Variants in PPFIBP1 observed in about 807,000 individuals in gnomAD.
PPFIBP1 encodes the protein PPFIB scaffold protein 1, also known as liprin-beta-1.
A neutral mutation model predicts 137.8 loss-of-function variants in PPFIBP1; 112 were observed. The observed-to-expected ratio is 0.81, with a 90% CI of 0.70 to 0.95. The LOEUF is 0.95. PPFIBP1 is among the 40% of genes least tolerant of loss of function. The pLI, the probability that PPFIBP1 is intolerant of heterozygous loss-of-function variation, is 0.00. For missense variants in PPFIBP1, 1,083 were observed against 1,196.6 expected, an observed-to-expected ratio of 0.91 and a Z score of 1.40; for synonymous variants, 378 against 417.3, an observed-to-expected ratio of 0.91 and a Z score of 1.15.
intron 4 of PPFIBP1, among the ~76,000 whole-genome samples, chr12:27,644,244 GTTTTTTTTTTT>G (rs3842650): frequency 0.024 from 2,812 of 117,710 alleles, 126 homozygotes; most frequent in African/African-American, 0.083. Context: ...GCTTGGCTAA[GTTTTTTTTTTT>G]TTTTTTTTTT....
intron 14 of PPFIBP1, among the ~76,000 whole-genome samples, chr12:27,672,076 GAA>G (rs879889253): frequency 7.2e-6 from 1 of 138,812 alleles, no homozygotes; most frequent in Non-Finnish European, 1.6e-5. Flanking sequence ...GTCTCAAAAA[GAA>G]AAAAAAAAAA....
intron 4 of PPFIBP1, chr12:27,637,058 A>T (rs2057729780): frequency 1.3e-5 from 2 of 152,136 alleles, no homozygotes; most frequent in Admixed American, 1.3e-4. Context: ...AACTAAAATT[A>T]TACCCATTTA....
At chr12:27,540,654 G>A (rs1244570651) in intron 1 of PPFIBP1, among the ~76,000 whole-genome samples, 3 of 152,212 alleles carry the variant, frequency 2.0e-5, no homozygotes, top group African/African-American at 7.2e-5. Flanking sequence ...ATTTTGATTA[G>A]TATTGTTGTC....
chr12:27,627,720 C>A (rs973357963), intron 2 of PPFIBP1, among the ~76,000 whole-genome samples: 1 of 152,096 alleles, frequency 6.6e-6, no homozygotes, highest in Non-Finnish European at 1.5e-5. Context: ...CATCCATGCC[C>A]GGAACTTTCC....
chr12:27,663,770 G>T (rs930990150), intron 11 of PPFIBP1, among the ~76,000 whole-genome samples: 2 of 151,982 alleles, frequency 1.3e-5, no homozygotes, highest in African/African-American at 4.8e-5. Flanking sequence ...AGCCCAGGAG[G>T]TTGAGGCTGC....
chr12:27,678,855 TCAAAAAAAAAA>T (rs2060690974), intron 19 of PPFIBP1, among the ~76,000 whole-genome samples: 1 of 9,908 alleles, frequency 1.0e-4, no homozygotes. Flanking sequence ...AGACTCTGTC[TCAAAAAAAAAA>T]AAAAAAAAAA....
chr12:27,664,952 C>T (rs1424974108), intron 12 of PPFIBP1, among the ~76,000 whole-genome samples: 1 of 152,156 alleles, frequency 6.6e-6, no homozygotes. Flanking sequence ...CTTTGGGAGG[C>T]CAAGGTGGGT....
At chr12:27,585,192 G>C (rs1316314761) in intron 2 of PPFIBP1, among the ~76,000 whole-genome samples, 4 of 152,190 alleles carry the variant, frequency 2.6e-5, no homozygotes, top group Non-Finnish European at 5.9e-5. Flanking sequence ...AGAATATTTA[G>C]AAATGCAATG....
At chr12:27,539,096 G>C (rs917192271) in intron 1 of PPFIBP1, among the ~76,000 whole-genome samples, 6 of 152,204 alleles carry the variant, frequency 3.9e-5, no homozygotes, top group Non-Finnish European at 8.8e-5. Context: ...CTGCTTTAAA[G>C]AGTTGTGAAG....
intron 1 of PPFIBP1, among the ~76,000 whole-genome samples, chr12:27,553,997 G>A (rs117792584): frequency 4.6e-5 from 7 of 152,338 alleles, no homozygotes; most frequent in African/African-American, 1.7e-4. Flanking sequence ...GCAGAAAAAG[G>A]CATCTTTTGG....
At chr12:27,639,483 T>A (rs2057947798) in intron 4 of PPFIBP1, among the ~76,000 whole-genome samples, 1 of 152,238 alleles carries the variant, frequency 6.6e-6, no homozygotes. Context: ...CCTTGATCCA[T>A]GTCAACAGAG....
chr12:27,560,200 C>T (rs1306827192), intron 1 of PPFIBP1, among the ~76,000 whole-genome samples: 1 of 152,182 alleles, frequency 6.6e-6, no homozygotes, highest in East Asian at 1.9e-4. Flanking sequence ...AGTAATCCTG[C>T]ACTTTAAATT....
At chr12:27,536,808 G>A (rs1369305320) in intron 1 of PPFIBP1, among the ~76,000 whole-genome samples, 1 of 152,150 alleles carries the variant, frequency 6.6e-6, no homozygotes, top group Non-Finnish European at 1.5e-5. Flanking sequence ...CCAACTGTGG[G>A]TCTTTTCTGA....
intron 12 of PPFIBP1, among the ~76,000 whole-genome samples, chr12:27,666,487 G>A (rs1035097872): frequency 6.6e-6 from 1 of 152,122 alleles, no homozygotes; most frequent in Non-Finnish European, 1.5e-5. Context: ...AGCGTGTTAA[G>A]TATCATTTTT....
rs778672449 is a variant in PPFIBP1 at position 27,692,874 on chromosome 12, A to C, written c.3010A>C (p.Asn1004His). 8.7e-6 allele frequency: 14 copies of C among 1,614,124 alleles called. No homozygotes were observed. Among genetic ancestry groups the C allele is most frequent in the Non-Finnish European group, 1.2e-5 (14 of 1,179,994 alleles). The change falls in exon 30 of 30, where the codon AAC (asparagine) becomes CAC (histidine). Residue 1004 changes from asparagine (N) to histidine (H), a missense_variant. Physicochemically the swap from Asn to His is moderately conservative, Grantham distance 68 (BLOSUM62 1). Coordinates refer to ENST00000228425, the MANE Select transcript of PPFIBP1 (RefSeq NM_003622.4). ...TGCCAGCATTACAGATGAAGACTCA[A>C]ACGTTTGACCGTAGCACCTGGATGA... Reference protein sequence around the residue: ...PSASITDEDSNV With the variant: ...PSASITDEDSHV
intron 12 of PPFIBP1, among the ~76,000 whole-genome samples, chr12:27,664,728 A>C (rs2059756247): frequency 6.6e-6 from 1 of 152,138 alleles, no homozygotes; most frequent in African/African-American, 2.4e-5. Context: ...GCCTAGGGGG[A>C]AAAGAATATG....
At chr12:27,623,769 C>T (rs1592935143) in intron 2 of PPFIBP1, among the ~76,000 whole-genome samples, 1 of 152,040 alleles carries the variant, frequency 6.6e-6, no homozygotes, top group East Asian at 1.9e-4. Context: ...CTGGCTTATG[C>T]AGCTAAGAGG....
chr12:27,624,180 C>T (rs748908493), intron 2 of PPFIBP1, among the ~76,000 whole-genome samples: 5 of 152,006 alleles, frequency 3.3e-5, no homozygotes, highest in Admixed American at 1.3e-4. Flanking sequence ...GGTGGGAGGC[C>T]GGCAGTCCTG....
At chr12:27,591,207 A>C (rs2052478397) in intron 2 of PPFIBP1, among the ~76,000 whole-genome samples, 2 of 152,042 alleles carry the variant, frequency 1.3e-5, no homozygotes, top group Non-Finnish European at 2.9e-5. Flanking sequence ...AAATTGAGGA[A>C]AGGAAGGAAT....
Sources: allele counts gnomAD v4.1 joint callset (sites outside exome capture counted in the v4.1 genomes callset), GRCh38; gene constraint gnomAD v4.1.1; transcripts MANE v1.5; gene names NCBI Gene and HGNC (gene_info 2026-07-23, HGNC 2026-07-21).